CDH13: variants seen among roughly 807,000 people sequenced by gnomAD.
The protein encoded by CDH13 is cadherin 13.
CDH13 carries 24 observed loss-of-function variants against 63.8 expected under a neutral mutation model. The ratio of observed to expected loss-of-function variants is 0.38; its 90% CI spans 0.27 to 0.53. The LOEUF is 0.53. CDH13 is among the 20% of genes least tolerant of loss of function. The pLI, the probability that CDH13 is intolerant of heterozygous loss-of-function variation, is 0.85. For synonymous variants in CDH13, 503 were observed against 355.3 expected, an observed-to-expected ratio of 1.42 and a Z score of -4.67; for missense variants, 1,049 against 903.1, an observed-to-expected ratio of 1.16 and a Z score of -2.07.
intron 3 of CDH13, among the ~76,000 whole-genome samples, chr16:83,041,630 C>T (rs1403229222): frequency 6.6e-6 from 1 of 152,084 alleles, no homozygotes; most frequent in Non-Finnish European, 1.5e-5. Context: ...GAGCTAATTG[C>T]CCCCTGTTTC....
chr16:82,934,320 G>C (rs926454297), intron 2 of CDH13, among the ~76,000 whole-genome samples: 1 of 152,216 alleles, frequency 6.6e-6, no homozygotes, highest in Non-Finnish European at 1.5e-5. Context: ...AGTCTGAGCT[G>C]TACCTTGGCC....
At chr16:83,590,826 C>A (rs540662138) in intron 7 of CDH13, among the ~76,000 whole-genome samples, 2 of 151,858 alleles carry the variant, frequency 1.3e-5, no homozygotes, top group African/African-American at 4.8e-5. Flanking sequence ...ATGCTTTGGC[C>A]CTGCCCTGAA....
chr16:83,479,315 A>G (rs970344855), intron 6 of CDH13, among the ~76,000 whole-genome samples: 1 of 152,196 alleles, frequency 6.6e-6, no homozygotes, highest in African/African-American at 2.4e-5. Context: ...GATTGCACTC[A>G]GCAGTGGGTC....
chr16:82,773,779 C>A (rs79046064), intron 1 of CDH13, among the ~76,000 whole-genome samples: 3 of 149,064 alleles, frequency 2.0e-5, no homozygotes, highest in Non-Finnish European at 4.5e-5. Context: ...TATTGTTTTT[C>A]TTCTTCTTCT....
intron 1 of CDH13, among the ~76,000 whole-genome samples, chr16:82,715,414 T>C (rs891757192): frequency 6.6e-6 from 1 of 152,116 alleles, no homozygotes; most frequent in Non-Finnish European, 1.5e-5. Flanking sequence ...TTGCACCTTA[T>C]TAACGGGTAA....
intron 6 of CDH13, among the ~76,000 whole-genome samples, chr16:83,430,424 C>A (rs911266388): frequency 6.6e-6 from 1 of 152,196 alleles, no homozygotes; most frequent in African/African-American, 2.4e-5. Flanking sequence ...GGCAAACAAC[C>A]TAATTGATGG....
intron 7 of CDH13, among the ~76,000 whole-genome samples, chr16:83,566,372 C>G (rs1252238186): frequency 6.6e-6 from 1 of 152,148 alleles, no homozygotes; most frequent in Non-Finnish European, 1.5e-5. Context: ...AATGGGAGTT[C>G]CAGCTTCTTT....
At chr16:83,064,424 A>G (rs1013695581) in intron 3 of CDH13, among the ~76,000 whole-genome samples, 2 of 152,208 alleles carry the variant, frequency 1.3e-5, no homozygotes, top group African/African-American at 4.8e-5. Flanking sequence ...ATTTTTTAGC[A>G]ACATCATCCA....
chr16:83,741,879 C>T (rs1206056033), intron 10 of CDH13, among the ~76,000 whole-genome samples: 4 of 152,152 alleles, frequency 2.6e-5, no homozygotes, highest in African/African-American at 9.7e-5. Flanking sequence ...GAACTGCACA[C>T]ACAAGGGATC....
At chr16:83,097,994 T>A (rs1284343076) in intron 3 of CDH13, among the ~76,000 whole-genome samples, 2 of 152,122 alleles carry the variant, frequency 1.3e-5, no homozygotes, top group African/African-American at 4.8e-5. Flanking sequence ...GAAGCATATC[T>A]GGATGGAATG....
intron 4 of CDH13, among the ~76,000 whole-genome samples, chr16:83,166,982 A>G (rs2037703523): frequency 6.6e-6 from 1 of 152,174 alleles, no homozygotes; most frequent in African/African-American, 2.4e-5. Context: ...TTTATATGTG[A>G]AAATGCCTCT....
chr16:83,155,454 A>G (rs774889125), intron 4 of CDH13, among the ~76,000 whole-genome samples: 3 of 152,186 alleles, frequency 2.0e-5, no homozygotes, highest in African/African-American at 4.8e-5. Context: ...GCAAAGGACG[A>G]TGGGGAAAAT....
chr16:82,999,439 A>G (rs188808372), intron 2 of CDH13, among the ~76,000 whole-genome samples: 1 of 150,636 alleles, frequency 6.6e-6, no homozygotes, highest in East Asian at 1.9e-4. Flanking sequence ...TCATAACCAC[A>G]TAACACATGT....
intron 5 of CDH13, among the ~76,000 whole-genome samples, chr16:83,298,502 G>A (rs2151873232): frequency 6.6e-6 from 1 of 152,236 alleles, no homozygotes; most frequent in East Asian, 1.9e-4. Flanking sequence ...GAGAGAAAGG[G>A]AACTTTAAGC....
At chr16:82,840,261 A>G (rs1056262866) in intron 1 of CDH13, among the ~76,000 whole-genome samples, 1 of 152,034 alleles carries the variant, frequency 6.6e-6, no homozygotes, top group Admixed American at 6.6e-5. Flanking sequence ...TACTGTGGTG[A>G]AGCTGAGGAG....
intron 5 of CDH13, among the ~76,000 whole-genome samples, chr16:83,243,720 G>A (rs1202498013): frequency 6.6e-6 from 1 of 152,138 alleles, no homozygotes; most frequent in Non-Finnish European, 1.5e-5. Flanking sequence ...TTAATATTTA[G>A]GCTAGGACTA....
At chr16:82,883,713 G>C (rs1290153785) in intron 2 of CDH13, among the ~76,000 whole-genome samples, 2 of 152,198 alleles carry the variant, frequency 1.3e-5, no homozygotes, top group Non-Finnish European at 2.9e-5. Context: ...CTCGTGCCCA[G>C]AATGGAGCAG....
chr16:82,766,799 A>G (rs943661800), intron 1 of CDH13, among the ~76,000 whole-genome samples: 15 of 152,236 alleles, frequency 9.9e-5, no homozygotes, highest in Non-Finnish European at 1.9e-4. Context: ...ACTATATAAT[A>G]TAAAATATAC....
chr16:83,677,643 G>A (rs1310257695), intron 9 of CDH13, among the ~76,000 whole-genome samples: 1 of 152,130 alleles, frequency 6.6e-6, no homozygotes, highest in Non-Finnish European at 1.5e-5. Flanking sequence ...TAACTTCATG[G>A]CAAGTGAGTG....
Sources: gnomAD v4.1 joint callset for allele counts (sites outside exome capture counted in the v4.1 genomes callset) on GRCh38, gnomAD v4.1.1 for gene constraint, MANE v1.5 for transcripts, NCBI Gene and HGNC (gene_info 2026-07-23, HGNC 2026-07-21) for gene names.